RBPJ: variants seen among roughly 807,000 people sequenced by gnomAD.
RBPJ encodes the protein recombining binding protein suppressor of hairless.
RBPJ carries 9 observed loss-of-function variants against 67.8 expected under a neutral mutation model. The ratio of observed to expected loss-of-function variants is 0.13; its 90% confidence interval spans 0.08 to 0.23. The LOEUF (loss-of-function observed/expected upper bound fraction) is 0.23. Ranked by LOEUF, RBPJ falls within the 10% of genes least tolerant of loss-of-function variation. RBPJ has a pLI of 1.00. For missense variants in RBPJ, 305 were observed against 595.6 expected (o/e 0.51, Z 5.08); for synonymous variants, 198 against 203.3 (o/e 0.97, Z 0.22).
intron 1 of RBPJ, among the ~76,000 whole-genome samples, chr4:26,202,970 T>TGAAGGAAGGAAGG (rs1369335970): frequency 1.2e-4 from 17 of 138,506 alleles, no homozygotes; most frequent in African/African-American, 4.6e-4. Context: ...AGGAAGGAAA[T>TGAAGGAAGGAAGG]AAGGAAGGAA....
chr4:26,113,100 T>C, the RBPJ span: 1 of 180,824 alleles, frequency 5.5e-6, no homozygotes, highest in Non-Finnish European at 1.2e-5. Context: ...AAATCTTCTG[T>C]GACAGTTCAA....
chr4:26,407,295 G>A (rs971831721), intron 3 of RBPJ, among the ~76,000 whole-genome samples: 1 of 151,718 alleles, frequency 6.6e-6, no homozygotes, highest in Non-Finnish European at 1.5e-5. Context: ...AAAACTCCTG[G>A]CCCTCTCTCT....
chr4:26,355,349 G>A (rs1269414064), intron 1 of RBPJ, among the ~76,000 whole-genome samples: 1 of 152,072 alleles, frequency 6.6e-6, no homozygotes, highest in African/African-American at 2.4e-5. Context: ...ATTCTACTCA[G>A]GAGACATTTC....
At chr4:26,404,800 G>A (rs1733222098) in intron 2 of RBPJ, among the ~76,000 whole-genome samples, 1 of 152,060 alleles carries the variant, frequency 6.6e-6, no homozygotes, top group Non-Finnish European at 1.5e-5. Context: ...CTATTATCAG[G>A]CCCTGTAACG....
chr4:26,113,160 TA>T, the RBPJ span: 1 of 231,254 alleles, frequency 4.3e-6, no homozygotes, highest in Non-Finnish European at 9.0e-6. Context: ...CCCATGAATA[TA>T]AATTGAGTGA....
intron 1 of RBPJ, among the ~76,000 whole-genome samples, chr4:26,218,505 T>C (rs775683102): frequency 4.6e-5 from 7 of 152,142 alleles, no homozygotes; most frequent in Non-Finnish European, 4.4e-5. Context: ...GACGTACTCA[T>C]GGGTCAGACA....
intron 1 of RBPJ, among the ~76,000 whole-genome samples, chr4:26,283,869 C>T (rs1220936037): frequency 6.6e-6 from 1 of 152,136 alleles, no homozygotes; most frequent in Non-Finnish European, 1.5e-5. Context: ...TGGTCTCGAT[C>T]TTTTGACCTC....
At chr4:26,286,414 C>T (rs1721468459) in intron 1 of RBPJ, among the ~76,000 whole-genome samples, 2 of 143,702 alleles carry the variant, frequency 1.4e-5, no homozygotes, top group African/African-American at 2.7e-5. Flanking sequence ...TCAAGGCTCT[C>T]GTGAGCTGTG....
At chr4:26,246,208 T>G (rs1294972378) in intron 1 of RBPJ, among the ~76,000 whole-genome samples, 3 of 152,240 alleles carry the variant, frequency 2.0e-5, no homozygotes, top group Non-Finnish European at 4.4e-5. Flanking sequence ...GGGATGTCTT[T>G]CCATTTATTT....
At chr4:26,239,048 C>G (rs1321872313) in intron 1 of RBPJ, among the ~76,000 whole-genome samples, 1 of 152,106 alleles carries the variant, frequency 6.6e-6, no homozygotes, top group African/African-American at 2.4e-5. Context: ...TGAAGCAAAG[C>G]CCTATTCCCC....
intron 1 of RBPJ, among the ~76,000 whole-genome samples, chr4:26,199,103 A>T (rs1283939417): frequency 1.3e-5 from 2 of 152,214 alleles, no homozygotes; most frequent in African/African-American, 2.4e-5. Flanking sequence ...TAGCAAGGAG[A>T]AATGCAGGAA....
intron 1 of RBPJ, among the ~76,000 whole-genome samples, chr4:26,248,791 A>G (rs1052715378): frequency 6.6e-6 from 1 of 152,192 alleles, no homozygotes; most frequent in African/African-American, 2.4e-5. Flanking sequence ...TCAGATTAAG[A>G]GTTCAAATAT....
At chr4:26,225,036 T>C (rs938438857) in intron 1 of RBPJ, among the ~76,000 whole-genome samples, 1 of 152,216 alleles carries the variant, frequency 6.6e-6, no homozygotes, top group Admixed American at 6.5e-5. Context: ...AAAATCCAAA[T>C]GACTGATGGC....
chr4:26,426,489 C>T (rs1038712397), intron 7 of RBPJ, among the ~76,000 whole-genome samples: 20 of 152,142 alleles, frequency 1.3e-4, no homozygotes, highest in African/African-American at 2.9e-4. Flanking sequence ...ATTATTAAGA[C>T]GCTGATACAT....
chr4:26,359,769 G>GCGTCC (rs1391593227), intron 1 of RBPJ: 1 of 151,388 alleles, frequency 6.6e-6, no homozygotes, highest in African/African-American at 2.4e-5. Context: ...CTGACCCTCG[G>GCGTCC]CGTCCCGTGA....
chr4:26,183,312 A>G (rs906718180), intron 1 of RBPJ, among the ~76,000 whole-genome samples: 1 of 152,228 alleles, frequency 6.6e-6, no homozygotes, highest in Non-Finnish European at 1.5e-5. Context: ...ACCCTCATAT[A>G]TGTGGCCCAT....
At chr4:26,419,736 A>G (rs2109801363) in intron 4 of RBPJ, among the ~76,000 whole-genome samples, 1 of 152,336 alleles carries the variant, frequency 6.6e-6, no homozygotes, top group East Asian at 1.9e-4. Context: ...AGGGATCAAG[A>G]GAATAGGAAA....
In RBPJ at chr4:26,424,288, C is replaced by T; in HGVS notation, c.497-54C>T. On this transcript the variant is annotated intron_variant, in intron 5 of 10. Transcript: ENST00000355476. The surrounding 1 kb of genome is among the most constrained non-coding windows in gnomAD (Gnocchi z 5.3). ...CCAAGCAGAATTTCCTTCTTTTGCT[C>T]CCTCCCCACCTTCTGCTCCAATCAC... 2 of 1,564,160 alleles carry T rather than the reference C, an allele frequency of 1.3e-6. No homozygotes were observed. The highest frequency in any genetic ancestry group is 1.8e-5 in the Admixed American group (1 of 55,438).
intron 1 of RBPJ, among the ~76,000 whole-genome samples, chr4:26,296,044 G>A (rs1721863492): frequency 6.6e-6 from 1 of 152,178 alleles, no homozygotes; most frequent in East Asian, 1.9e-4. Context: ...AAATGTGAAT[G>A]GAGAGAAAGC....
Sources: gnomAD v4.1 joint callset for allele counts (sites outside exome capture counted in the v4.1 genomes callset) on GRCh38, gnomAD v4.1.1 for gene constraint, Gnocchi (gnomAD v3.1) non-coding constraint, MANE v1.5 for transcripts, NCBI Gene and HGNC (gene_info 2026-07-23, HGNC 2026-07-21) for gene names.